BRINP3: variants seen among roughly 807,000 people sequenced by gnomAD.
BRINP3 encodes BMP/retinoic acid-inducible neural-specific protein 3.
A neutral mutation model predicts 71.0 loss-of-function variants in BRINP3; 19 were observed. That is an observed-to-expected ratio of 0.27 (90% CI 0.19 to 0.39). The LOEUF (loss-of-function observed/expected upper bound fraction) is 0.39. Ranked by LOEUF, BRINP3 falls within the 10% of genes least tolerant of loss-of-function variation. BRINP3 has a pLI of 1.00. For missense variants in BRINP3, 959 were observed against 940.8 expected (o/e 1.02, Z -0.25); for synonymous variants, 380 against 337.7 (o/e 1.13, Z -1.37).
At chr1:190,169,538 G>C (rs1426584734) in intron 6 of BRINP3, among the ~76,000 whole-genome samples, 2 of 152,156 alleles carry the variant, frequency 1.3e-5, no homozygotes, top group East Asian at 3.9e-4. Context: ...GCTGCAATCA[G>C]ATGCTGTTCT....
intron 2 of BRINP3, among the ~76,000 whole-genome samples, chr1:190,370,774 T>C (rs1256307440): frequency 6.6e-6 from 1 of 152,158 alleles, no homozygotes; most frequent in African/African-American, 2.4e-5. Flanking sequence ...AAGCCTAGAG[T>C]GTTCACTTTT....
chr1:190,238,439 T>C (rs1658734164), intron 4 of BRINP3, among the ~76,000 whole-genome samples: 1 of 152,050 alleles, frequency 6.6e-6, no homozygotes, highest in African/African-American at 2.4e-5. Context: ...CTAGAATATA[T>C]AAATAAATTC....
intron 2 of BRINP3, among the ~76,000 whole-genome samples, chr1:190,411,648 A>G (rs182986118): frequency 7.9e-5 from 12 of 152,320 alleles, no homozygotes; most frequent in Admixed American, 2.0e-4. Context: ...AATATGGTCT[A>G]TATAACTAAG....
rs150828374 is a variant in BRINP3, at chr1:190,429,063, C to T, written c.236+25592G>A. Among the ~76,000 whole-genome samples the T allele has an allele frequency of 1.7e-3, 256 of 152,142 alleles. 1 individual carries two copies. Among genetic ancestry groups the T allele is most frequent in the African/African-American group, 5.9e-3 (247 of 41,544 alleles). On this transcript the variant is annotated intron_variant, in intron 2 of 7. Transcript: ENST00000367462. Reference sequence around the variant, plus strand: ...CTGCTTTAGCTACTTTACATTTACTCATTCAGTCAACATATATGAAGAAAA... The same window carrying T: ...CTGCTTTAGCTACTTTACATTTACTTATTCAGTCAACATATATGAAGAAAA...
chr1:190,197,864 G>C (rs572435300), intron 6 of BRINP3, among the ~76,000 whole-genome samples: 4 of 152,290 alleles, frequency 2.6e-5, no homozygotes, highest in South Asian at 4.1e-4. Flanking sequence ...CAGTTTTCCA[G>C]TAGGGACTCT....
intron 2 of BRINP3, among the ~76,000 whole-genome samples, chr1:190,389,267 T>C (rs1671098345): frequency 6.6e-6 from 1 of 151,774 alleles, no homozygotes; most frequent in Non-Finnish European, 1.5e-5. Context: ...TCTCTTTCCC[T>C]ACCATCCAAT....
chr1:190,330,598 A>G (rs1666900862), intron 2 of BRINP3, among the ~76,000 whole-genome samples: 1 of 152,000 alleles, frequency 6.6e-6, no homozygotes, highest in African/African-American at 2.4e-5. Context: ...TTAAAATAGA[A>G]ACACCATTAG....
intron 7 of BRINP3, among the ~76,000 whole-genome samples, chr1:190,113,114 C>A (rs1025137825): frequency 6.6e-6 from 1 of 151,882 alleles, no homozygotes; most frequent in Non-Finnish European, 1.5e-5. Flanking sequence ...TGAATATGTA[C>A]AAATATTACC....
intron 2 of BRINP3, among the ~76,000 whole-genome samples, chr1:190,333,286 G>T (rs1360920712): frequency 6.6e-6 from 1 of 151,928 alleles, no homozygotes; most frequent in Non-Finnish European, 1.5e-5. Context: ...CAATCGTAGA[G>T]AGTTTTCTGA....
At chr1:190,449,680 A>G (rs1222989961) in intron 2 of BRINP3, among the ~76,000 whole-genome samples, 1 of 152,104 alleles carries the variant, frequency 6.6e-6, no homozygotes, top group Non-Finnish European at 1.5e-5. Context: ...TGTGTTGATC[A>G]GTGCCTCCAA....
intron 2 of BRINP3, among the ~76,000 whole-genome samples, chr1:190,406,999 G>A (rs971740804): frequency 5.9e-5 from 9 of 152,108 alleles, no homozygotes; most frequent in Non-Finnish European, 1.2e-4. Context: ...GTATGTCACA[G>A]CAGGACAGAA....
At chr1:190,362,867 A>G (rs767322849) in intron 2 of BRINP3, among the ~76,000 whole-genome samples, 15 of 152,182 alleles carry the variant, frequency 9.9e-5, no homozygotes, top group Non-Finnish European at 1.6e-4. Context: ...TTATTTATAA[A>G]TTACCCAGTG....
At chr1:190,113,577 T>C (rs1046759361) in intron 7 of BRINP3, among the ~76,000 whole-genome samples, 2 of 152,178 alleles carry the variant, frequency 1.3e-5, no homozygotes, top group Non-Finnish European at 1.5e-5. Context: ...CATTTACCCA[T>C]TTCTAAACAT....
chr1:190,278,200 T>G (rs983052781), intron 3 of BRINP3, among the ~76,000 whole-genome samples: 5 of 151,678 alleles, frequency 3.3e-5, no homozygotes, highest in African/African-American at 1.2e-4. Flanking sequence ...AGCATTGAAA[T>G]TTTTTTGAAG....
chr1:190,126,959 C>T (rs1654134819), intron 7 of BRINP3, among the ~76,000 whole-genome samples: 1 of 151,642 alleles, frequency 6.6e-6, no homozygotes, highest in African/African-American at 2.4e-5. Flanking sequence ...ACTCATGCAA[C>T]CATTAAAAGG....
chr1:190,455,159 A>T (rs893189010), intron 1 of BRINP3, among the ~76,000 whole-genome samples: 1 of 152,228 alleles, frequency 6.6e-6, no homozygotes, highest in Non-Finnish European at 1.5e-5. Context: ...ACATTGAGTC[A>T]TAACAGACTT....
At chr1:190,191,048 T>C (rs1415056206) in intron 6 of BRINP3, among the ~76,000 whole-genome samples, 1 of 152,096 alleles carries the variant, frequency 6.6e-6, no homozygotes, top group Non-Finnish European at 1.5e-5. Context: ...AGCTAAAGCA[T>C]TTAACTGCAT....
intron 2 of BRINP3, among the ~76,000 whole-genome samples, chr1:190,446,751 T>G (rs1252035529): frequency 1.3e-5 from 2 of 152,014 alleles, no homozygotes; most frequent in Non-Finnish European, 2.9e-5. Context: ...TCTGAGAAAT[T>G]AAGTTACAAA....
At chr1:190,120,880 C>T (rs1253141999) in intron 7 of BRINP3, among the ~76,000 whole-genome samples, 1 of 151,908 alleles carries the variant, frequency 6.6e-6, no homozygotes, top group Non-Finnish European at 1.5e-5. Flanking sequence ...TTTAAACATA[C>T]GATTTGAATT....
Sources: allele counts gnomAD v4.1 joint callset (sites outside exome capture counted in the v4.1 genomes callset), GRCh38; gene constraint gnomAD v4.1.1; transcripts MANE v1.5; gene names NCBI Gene and HGNC (gene_info 2026-07-23, HGNC 2026-07-21).